KCNB2: variants seen among roughly 807,000 people sequenced by gnomAD.
The protein encoded by KCNB2 is potassium voltage-gated channel subfamily B member 2.
In KCNB2, 15 loss-of-function variants were observed where a neutral mutation model predicts 61.5. The ratio of observed to expected loss-of-function variants is 0.24; its 90% CI spans 0.16 to 0.38. The LOEUF (loss-of-function observed/expected upper bound fraction) is 0.38, where lower values mean the gene tolerates loss of function less well. KCNB2 is among the 10% of genes least tolerant of loss of function. KCNB2 has a pLI of 1.00. For missense variants in KCNB2, 828 were observed against 1,125.2 expected (o/e 0.74, Z 3.78); for synonymous variants, 457 against 446.0 (o/e 1.02, Z -0.31).
At chr8:72,620,265 A>G (rs748514030) in intron 2 of KCNB2, among the ~76,000 whole-genome samples, 4 of 152,244 alleles carry the variant, frequency 2.6e-5, no homozygotes, top group African/African-American at 4.8e-5. Context: ...CAGGCAGTTT[A>G]GATGTTCTGC....
chr8:72,660,282 CG>C (rs1806357522), intron 2 of KCNB2, among the ~76,000 whole-genome samples: 1 of 152,238 alleles, frequency 6.6e-6, no homozygotes, highest in South Asian at 2.1e-4. Flanking sequence ...TGTCTGCCAG[CG>C]CATGGAGCCC....
intron 2 of KCNB2, among the ~76,000 whole-genome samples, chr8:72,850,368 T>C (rs905732751): frequency 6.6e-6 from 1 of 151,998 alleles, no homozygotes; most frequent in African/African-American, 2.4e-5. Flanking sequence ...CACAGGTGCC[T>C]GACACAATGC....
At chr8:72,740,056 G>A (rs1040160439) in intron 2 of KCNB2, among the ~76,000 whole-genome samples, 5 of 152,152 alleles carry the variant, frequency 3.3e-5, no homozygotes, top group African/African-American at 1.2e-4. Flanking sequence ...GAGAGTTTCA[G>A]AGTCTGTCTG....
chr8:72,698,226 C>T (rs1807050510), intron 2 of KCNB2, among the ~76,000 whole-genome samples: 1 of 151,468 alleles, frequency 6.6e-6, no homozygotes, highest in African/African-American at 2.4e-5. Context: ...CAAAATCAAG[C>T]AAACTCAAGC....
intron 1 of KCNB2, among the ~76,000 whole-genome samples, chr8:72,552,567 G>A (rs1806360973): frequency 6.6e-6 from 1 of 152,204 alleles, no homozygotes; most frequent in South Asian, 2.1e-4. Context: ...CAAAAGCAGT[G>A]TGGTTTAAAT....
intron 2 of KCNB2, among the ~76,000 whole-genome samples, chr8:72,593,624 T>C (rs534079546): frequency 6.6e-6 from 1 of 152,346 alleles, no homozygotes; most frequent in East Asian, 1.9e-4. Flanking sequence ...GTTTCTCATT[T>C]TGTGATCCTT....
intron 2 of KCNB2, among the ~76,000 whole-genome samples, chr8:72,912,535 A>G (rs908172675): frequency 2.0e-5 from 3 of 148,276 alleles, no homozygotes; most frequent in African/African-American, 7.4e-5. Flanking sequence ...ATATAATATG[A>G]TATATAGGGT....
At chr8:72,633,213 G>T (rs1337432008) in intron 2 of KCNB2, among the ~76,000 whole-genome samples, 1 of 152,036 alleles carries the variant, frequency 6.6e-6, no homozygotes, top group Admixed American at 6.6e-5. Flanking sequence ...TTCCTGGCTG[G>T]CAGTGGGTGG....
In KCNB2 at chr8:72,537,471, G is replaced by A. The variant is rs1047003005; in HGVS notation, c.-508G>A. On this transcript the variant is annotated 5_prime_UTR_variant, in exon 1 of 3. Transcript: ENST00000523207. ...GCTCGCTTTCTGGCTCCTTCCGCGC[G>A]GCGAGCTCAGCCCCGCTCGATTTTT... 1.3e-5 allele frequency: 2 copies of A among 152,396 alleles called. No individual in the cohort carries two copies. The highest frequency in any genetic ancestry group is 2.4e-5 in the African/African-American group (1 of 41,456). 9.4% of individuals were successfully genotyped at this position (152,396 alleles called of 1,614,324 possible).
intron 2 of KCNB2, among the ~76,000 whole-genome samples, chr8:72,729,460 C>T (rs1269296006): frequency 6.6e-6 from 1 of 152,196 alleles, no homozygotes; most frequent in Non-Finnish European, 1.5e-5. Context: ...TAAATTGTCA[C>T]ATGTGAAGTT....
At chr8:72,593,370 T>C (rs1807131243) in intron 2 of KCNB2, among the ~76,000 whole-genome samples, 1 of 152,192 alleles carries the variant, frequency 6.6e-6, no homozygotes, top group Admixed American at 6.5e-5. Context: ...TATTATGATG[T>C]GTTAGATTAT....
At chr8:72,826,521 C>A (rs142990132) in intron 2 of KCNB2, among the ~76,000 whole-genome samples, 1 of 151,998 alleles carries the variant, frequency 6.6e-6, no homozygotes, top group African/African-American at 2.4e-5. Flanking sequence ...CCGTACCTCA[C>A]GGAGGAAAGA....
chr8:72,771,419 T>G (rs1203599386), intron 2 of KCNB2, among the ~76,000 whole-genome samples: 1 of 152,210 alleles, frequency 6.6e-6, no homozygotes, highest in East Asian at 1.9e-4. Flanking sequence ...CAAAATTGTA[T>G]TTTATTAAAT....
intron 2 of KCNB2, among the ~76,000 whole-genome samples, chr8:72,883,226 G>C (rs1435755046): frequency 3.3e-5 from 5 of 152,170 alleles, no homozygotes; most frequent in African/African-American, 1.2e-4. Context: ...AAATAGGAAA[G>C]CCCTGAAAAG....
intron 1 of KCNB2, among the ~76,000 whole-genome samples, chr8:72,558,950 T>C (rs1806469411): frequency 6.6e-6 from 1 of 151,928 alleles, no homozygotes; most frequent in Non-Finnish European, 1.5e-5. Context: ...ACAAATTCCC[T>C]GTTCCCTGTG....
rs569340976 is a variant in KCNB2 at position 72,846,633 on chromosome 8, T to A, written c.580-89302T>A. Among the ~76,000 whole-genome samples the A allele has an allele frequency of 6.6e-5, 10 of 152,230 alleles. No homozygotes were observed. In the South Asian group the frequency reaches 2.1e-3, roughly 32 times the overall value. ...CACACTTCTCAAAAGAAGACATTTA[T>A]GCAGCCAACAGACACATGAAAAAAT... On this transcript the variant is annotated intron_variant, in intron 2 of 2. Transcript: ENST00000523207.
chr8:72,690,258 A>T (rs1260820506), intron 2 of KCNB2, among the ~76,000 whole-genome samples: 2 of 152,164 alleles, frequency 1.3e-5, no homozygotes, highest in Admixed American at 1.3e-4. Flanking sequence ...TTGAAAGTAG[A>T]TTTATAAAAT....
At chr8:72,659,225 A>G (rs1181625288) in intron 2 of KCNB2, among the ~76,000 whole-genome samples, 1 of 152,154 alleles carries the variant, frequency 6.6e-6, no homozygotes, top group African/African-American at 2.4e-5. Context: ...GGAATTTGAA[A>G]TAAGTTGAGG....
chr8:72,692,425 G>C (rs551972020), intron 2 of KCNB2, among the ~76,000 whole-genome samples: 1 of 152,112 alleles, frequency 6.6e-6, no homozygotes, highest in South Asian at 2.1e-4. Context: ...TATTTGGTTA[G>C]TGGGAAGAAT....
Sources: gnomAD v4.1 joint callset for allele counts (sites outside exome capture counted in the v4.1 genomes callset) on GRCh38, gnomAD v4.1.1 for gene constraint, MANE v1.5 for transcripts, NCBI Gene and HGNC (gene_info 2026-07-23, HGNC 2026-07-21) for gene names.